NDUFV3: variants seen among roughly 807,000 people sequenced by gnomAD.
NDUFV3 encodes the protein NADH dehydrogenase [ubiquinone] flavoprotein 3, mitochondrial.
NDUFV3 carries 44 observed loss-of-function variants against 37.5 expected under a neutral mutation model. That is an observed-to-expected ratio of 1.17 (90% CI 0.92 to 1.51). The LOEUF (loss-of-function observed/expected upper bound fraction) is 1.51. Among genes scored for constraint, NDUFV3 ranks in the 40% most tolerant of loss-of-function variants. NDUFV3 has a pLI of 0.00. For synonymous variants in NDUFV3, 235 were observed against 239.3 expected, an observed-to-expected ratio of 0.98 and a Z score of 0.17; for missense variants, 580 against 580.4, an observed-to-expected ratio of 1.00 and a Z score of 0.01.
At position 42,903,617 on chromosome 21, in the gene NDUFV3, C is replaced by T; in HGVS notation, c.605C>T (p.Thr202Ile). Residue 202 changes from threonine (T) to isoleucine (I), a missense_variant, in exon 3 of 4, where the codon ACA becomes ATA. Physicochemically the swap from Thr to Ile is moderately conservative, Grantham distance 89. Coordinates refer to ENST00000354250, the MANE Select transcript of NDUFV3 (RefSeq NM_021075.4). ...TTTGAAAACAGAGCCCCCCGAGTTA[C>T]AGTATCAGCAAAAGAGAAAACCTTG... The part of the protein sequence containing the change: ...HSFENRAPRV[T>I]VSAKEKTLLQ... The T allele has an allele frequency of 6.2e-7, 1 of 1,613,950 alleles. No individual in the cohort carries two copies. Among genetic ancestry groups the T allele is most frequent in the Non-Finnish European group, 8.5e-7 (1 of 1,180,006 alleles).
At chr21:42,899,647 G>T (rs372269270) in intron 2 of NDUFV3, among the ~76,000 whole-genome samples, 1 of 152,154 alleles carries the variant, frequency 6.6e-6, no homozygotes, top group East Asian at 1.9e-4. Context: ...GTTTCACCAT[G>T]TTGGCCAGGT....
At chr21:42,901,015 C>T (rs2058715875) in intron 2 of NDUFV3, among the ~76,000 whole-genome samples, 1 of 152,142 alleles carries the variant, frequency 6.6e-6, no homozygotes, top group East Asian at 1.9e-4. Flanking sequence ...TTCTGTGTAG[C>T]TTTTTGAAGA....
At chr21:42,901,463 T>C (rs1226821700) in intron 2 of NDUFV3, among the ~76,000 whole-genome samples, 1 of 151,324 alleles carries the variant, frequency 6.6e-6, no homozygotes, top group African/African-American at 2.4e-5. Context: ...TACCCAGGCG[T>C]GGTGGCACAC....
chr21:42,898,690 T>A (rs1385924014), intron 2 of NDUFV3, among the ~76,000 whole-genome samples: 1 of 152,150 alleles, frequency 6.6e-6, no homozygotes, highest in Non-Finnish European at 1.5e-5. Flanking sequence ...AGACTGGTCT[T>A]GAATTCCTGG....
rs138852576 is a variant in NDUFV3 at position 42,903,998 on chromosome 21, C to T, written c.986C>T (p.Ala329Val). 1.4e-5 allele frequency: 23 copies of T among 1,613,870 alleles called. No homozygotes were observed. The highest frequency in any genetic ancestry group is 1.3e-4 in the Admixed American group (8 of 59,980). ...CAGCTGCAAGCCAGTCCTCCTGGGG[C>T]GGCAGAGGGGCATCTGGAAAAACCC... Reference protein sequence around the residue: ...EGQLQASPPGAAEGHLEKPVP... With the variant: ...EGQLQASPPGVAEGHLEKPVP... The change falls in exon 3 of 4, where the codon GCG (alanine) becomes GTG (valine). Residue 329 changes from alanine to valine, a missense_variant. Coordinates refer to ENST00000354250, the MANE Select transcript of NDUFV3 (RefSeq NM_021075.4).
At chr21:42,906,875 G>A (rs2058744384) in intron 3 of NDUFV3, 1 of 518,804 alleles carries the variant, frequency 1.9e-6, no homozygotes, top group African/African-American at 1.9e-5. Context: ...CTCACCTTGT[G>A]GAGATTGGAA....
chr21:42,893,717 C>T (rs139155747), intron 1 of NDUFV3, among the ~76,000 whole-genome samples: 7 of 152,332 alleles, frequency 4.6e-5, no homozygotes, highest in African/African-American at 1.4e-4. Flanking sequence ...TGCTGCCGCG[C>T]GGCTGGGGTC....
At chr21:42,900,739 G>A (rs1474315089) in intron 2 of NDUFV3, among the ~76,000 whole-genome samples, 4 of 152,152 alleles carry the variant, frequency 2.6e-5, no homozygotes, top group Admixed American at 2.0e-4. Context: ...TCTCATCCTT[G>A]GAGTCACATC....
intron 2 of NDUFV3, among the ~76,000 whole-genome samples, chr21:42,898,492 T>C (rs1379427755): frequency 6.6e-6 from 1 of 151,910 alleles, no homozygotes; most frequent in African/African-American, 2.4e-5. Flanking sequence ...TTTTTTGAAA[T>C]AGAGTCTTGC....
intron 3 of NDUFV3, among the ~76,000 whole-genome samples, chr21:42,907,439 G>A (rs1025113454): frequency 7.1e-6 from 1 of 140,618 alleles, no homozygotes; most frequent in African/African-American, 2.8e-5. Flanking sequence ...GTGCCACCAT[G>A]CCCTACTAAT....
intron 2 of NDUFV3, among the ~76,000 whole-genome samples, chr21:42,900,487 A>G (rs2058713812): frequency 6.6e-6 from 1 of 152,228 alleles, no homozygotes; most frequent in Admixed American, 6.5e-5. Context: ...TGGGTGTCAC[A>G]GCGACACTCC....
intron 2 of NDUFV3, among the ~76,000 whole-genome samples, chr21:42,901,491 C>T (rs879334110): frequency 5.3e-5 from 8 of 151,558 alleles, no homozygotes; most frequent in Non-Finnish European, 1.2e-4. Context: ...GTACCAGCTA[C>T]TCGGGAGGCT....
At chr21:42,899,278 T>TATTTTTTTTTTC (rs1555849018) in intron 2 of NDUFV3, among the ~76,000 whole-genome samples, 1 of 27,428 alleles carries the variant, frequency 3.6e-5, no homozygotes, top group African/African-American at 8.8e-4. Flanking sequence ...TTGTATCTTG[T>TATTTTTTTTTTC]TTTTTTTTGA....
intron 1 of NDUFV3, 64 bp downstream of exon 1, chr21:42,893,445 G>A (rs986168655): frequency 6.6e-7 from 1 of 1,520,520 alleles, no homozygotes; most frequent in Non-Finnish European, 8.8e-7. Flanking sequence ...ATGGGGTGAG[G>A]GGGCGCGGTG....
intron 1 of NDUFV3, among the ~76,000 whole-genome samples, chr21:42,895,723 C>T (rs951440077): frequency 2.7e-5 from 4 of 150,218 alleles, no homozygotes; most frequent in African/African-American, 9.8e-5. Context: ...TTGGAGACTA[C>T]AAAAAAAATG....
At position 42,910,117 on chromosome 21, in the gene NDUFV3, G is replaced by C. The variant is rs918430066; in HGVS notation, c.*1096G>C. 1.3e-5 allele frequency: 2 copies of C among 152,078 alleles called. No homozygotes were observed. The highest frequency in any genetic ancestry group is 2.9e-5 in the Non-Finnish European group (2 of 68,042). 9.4% of individuals were successfully genotyped at this position (152,078 alleles called of 1,614,324 possible). A position where few individuals can be genotyped will look rare whatever the true frequency, so the allele number is the denominator to read the frequency against. On this transcript the variant is annotated 3_prime_UTR_variant, in exon 4 of 4. Coordinates refer to ENST00000354250, the MANE Select transcript of NDUFV3 (RefSeq NM_021075.4). Reference sequence around the variant, plus strand: ...GAGGCGGGTGGAGCACCTGAGGTCAGGAGTTGAGACCGGCCTGGCCAACAT... The same window carrying C: ...GAGGCGGGTGGAGCACCTGAGGTCACGAGTTGAGACCGGCCTGGCCAACAT...
In NDUFV3 at chr21:42,896,909, C is replaced by A; in HGVS notation, c.49-18C>A. The A allele has an allele frequency of 6.2e-7, 1 of 1,607,060 alleles. No homozygotes were observed. The highest frequency in any genetic ancestry group is 8.5e-7 in the Non-Finnish European group (1 of 1,174,020). On this transcript the variant is annotated intron_variant, in intron 1 of 3. Transcript: ENST00000354250. ...TGGCATTACTCTAAACATCCATATT[C>A]ATTAATTCTTTTGTCAGACTATGCT...
chr21:42,910,664 G>A lies in NDUFV3; in HGVS notation c.*1643G>A, dbSNP rs987569615. 2 of 155,612 alleles carry A rather than the reference G, an allele frequency of 1.3e-5. No individual in the cohort carries two copies. Among genetic ancestry groups the A allele is most frequent in the Non-Finnish European group, 2.9e-5 (2 of 69,520 alleles). 9.6% of individuals were successfully genotyped at this position (155,612 alleles called of 1,614,324 possible). A position where few individuals can be genotyped will look rare whatever the true frequency, so the allele number is the denominator to read the frequency against. On this transcript the variant is annotated 3_prime_UTR_variant, in exon 4 of 4. Transcript: ENST00000354250. ...AAGTTTCGTGCGGTGCAGGGACGGAGTAGGAAGAGGTGAAGTTTCGTGCGG... is the reference window on the plus strand; with the variant it reads ...AAGTTTCGTGCGGTGCAGGGACGGAATAGGAAGAGGTGAAGTTTCGTGCGG...
In NDUFV3 at chr21:42,904,099, C is replaced by T. The variant is rs1258015156; in HGVS notation, c.1087C>T (p.His363Tyr). Residue 363 changes from histidine to tyrosine, a missense_variant, in exon 3 of 4, where the codon CAC (histidine) becomes TAC (tyrosine). Physicochemically the swap from His to Tyr is moderately conservative, Grantham distance 83. Transcript: ENST00000354250. Reference protein sequence around the residue: ...ETSGTQGIEGHLKGGQAIVED... With the variant: ...ETSGTQGIEGYLKGGQAIVED... ...CTCAGGGACGCAGGGAATAGAAGGC[C>T]ACCTGAAGGGTGGACAGGCAATCGT... 6.2e-7 allele frequency: 1 copy of T among 1,614,226 alleles called. No homozygotes were observed. Among genetic ancestry groups the T allele is most frequent in the African/African-American group, 1.3e-5 (1 of 75,058 alleles).
Sources: gnomAD v4.1 joint callset for allele counts (sites outside exome capture counted in the v4.1 genomes callset) on GRCh38, gnomAD v4.1.1 for gene constraint, MANE v1.5 for transcripts, NCBI Gene and HGNC (gene_info 2026-07-23, HGNC 2026-07-21) for gene names.